Variants in COL4A4 observed in about 807,000 individuals in gnomAD.
The protein encoded by COL4A4 is collagen type IV alpha 4 chain, also known as collagen alpha-4(IV) chain.
COL4A4 carries 105 observed loss-of-function variants against 192.9 expected under a neutral mutation model. The observed-to-expected ratio is 0.54, with a 90% confidence interval of 0.46 to 0.64. The LOEUF (loss-of-function observed/expected upper bound fraction) is 0.64. COL4A4 is among the 30% of genes least tolerant of loss of function. The pLI is 0.00. For missense variants in COL4A4, 1,967 were observed against 2,169.3 expected (o/e 0.91, Z 1.85); for synonymous variants, 762 against 769.9 (o/e 0.99, Z 0.17).
chr2:227,050,191 C>T, intron 33 of COL4A4, 60 bp from the exon 34 acceptor site: 1 of 1,430,138 alleles, frequency 7.0e-7, no homozygotes, highest in Admixed American at 1.7e-5. Context: ...GGCACATGCA[C>T]AACACGATCC....
rs1188910940 is a variant in COL4A4 at position 227,078,205 on chromosome 2, G to A, written c.1804-128C>T. On this transcript the variant is annotated intron_variant, in intron 24 of 47. Transcript: ENST00000396625. The stretch of plus-strand genomic sequence containing the variant: ...AGGAGACAGTTACTCTTAAGCAAAT[G>A]TAAGTTTAAAATAAATAACTTAGAT... 1.3e-5 allele frequency: 10 copies of A among 792,116 alleles called. No individual in the cohort carries two copies. In the Admixed American group the frequency reaches 1.9e-4, roughly 15 times the overall value. 49.1% of individuals were successfully genotyped at this position (792,116 alleles called of 1,614,324 possible). A position where few individuals can be genotyped will look rare whatever the true frequency, so the allele number is the denominator to read the frequency against.
intron 25 of COL4A4, among the ~76,000 whole-genome samples, chr2:227,071,195 G>A (rs2058701575): frequency 6.6e-6 from 1 of 152,046 alleles, no homozygotes. Context: ...TCAAGATAAA[G>A]GGGTAGGAAA....
chr2:227,007,416 A>T lies in COL4A4; in HGVS notation c.4982T>A (p.Phe1661Tyr), dbSNP rs374119389. The T allele has an allele frequency of 2.5e-4, 396 of 1,614,074 alleles. No homozygotes were observed. Among genetic ancestry groups the T allele is most frequent in the Non-Finnish European group, 3.1e-4 (370 of 1,180,048 alleles). Residue 1661 changes from phenylalanine to tyrosine, a missense_variant, in exon 48 of 48, where the codon TTT (phenylalanine) becomes TAT (tyrosine). Physicochemically the swap from Phe to Tyr is conservative, Grantham distance 22. Transcript: ENST00000396625. ...GGTGTCTGGTGCTGGAGCAGAGGAA[A>T]ACTGCAAGTCTGCTTTCACCGTTGT... ...WLTTVKADLQ[F>Y]SSAPAPDTLK...
rs749299357 is a variant in COL4A4 at position 227,043,167 on chromosome 2, C to T, written c.3307G>A (p.Gly1103Arg). 30 of 1,613,970 alleles carry T rather than the reference C, an allele frequency of 1.9e-5. No individual in the cohort carries two copies. The highest frequency in any genetic ancestry group is 1.6e-4 in the East Asian group (7 of 44,884). ...PGCPGHFGAS[G>R]EQGLPGIQGP... ...TGAATACCAGGCAAGCCCTGCTCTC[C>T]GGATGCTCCAAAATGCCCTAAAGAA... Residue 1103 changes from glycine (G) to arginine (R), a missense_variant, in exon 36 of 48, where the codon GGA becomes AGA. Gly to Arg is a moderately radical substitution (Grantham distance 125, BLOSUM62 -2). Transcript: ENST00000396625.
At chr2:227,063,141 C>T (rs1280655539) in intron 25 of COL4A4, among the ~76,000 whole-genome samples, 1 of 152,100 alleles carries the variant, frequency 6.6e-6, no homozygotes, top group Non-Finnish European at 1.5e-5. Flanking sequence ...TATATTGTCT[C>T]ATTTTTCTAA....
At chr2:227,113,506 TAAGA>T (rs1188812075) in intron 8 of COL4A4, among the ~76,000 whole-genome samples, 2 of 152,180 alleles carry the variant, frequency 1.3e-5, no homozygotes, top group African/African-American at 4.8e-5. Context: ...TTAACAACAC[TAAGA>T]AAGGGGCAGG....
Position 227,060,156 on chromosome 2 carries a change from G to A in COL4A4, c.2144C>T (p.Ala715Val), listed in dbSNP as rs76636743. The A allele has an allele frequency of 2.8e-4, 424 of 1,492,242 alleles. No homozygotes were observed. The highest frequency in any genetic ancestry group is 4.3e-4 in the South Asian group (37 of 86,302). The allele number at this position is 1,492,242 out of a possible 1,614,324, so 92.4% of individuals were successfully genotyped here. The change falls in exon 27 of 48, where the codon GCG (alanine) becomes GTG (valine). Residue 715 changes from alanine (A) to valine (V), a missense_variant. By Grantham distance (64) the Ala-to-Val change is moderately conservative (BLOSUM62 0). Transcript: ENST00000396625. The stretch of plus-strand genomic sequence containing the variant: ...CTGACCAGGTGGACCTGGTATTTCC[G>A]CTGTTCCTGGTGTGCCAGGTCTGCC... ...HKGRPGTPGT[A>V]EIPGPPGFRG...
chr2:227,155,385 C>A (rs2064256091), intron 1 of COL4A4, among the ~76,000 whole-genome samples: 1 of 152,200 alleles, frequency 6.6e-6, no homozygotes, highest in Non-Finnish European at 1.5e-5. Context: ...ATAATAATGT[C>A]ACTTCTCGGA....
rs769717906 is a variant in COL4A4, at chr2:227,030,526, G to C, written c.3890C>G (p.Pro1297Arg). The change falls in exon 41 of 48, where the codon CCA becomes CGA. Residue 1297 changes from proline to arginine, a missense_variant. Physicochemically the swap from Pro to Arg is moderately radical, Grantham distance 103 (BLOSUM62 -2). Coordinates refer to ENST00000396625, the MANE Select transcript of COL4A4 (RefSeq NM_000092.5). ...TGGGCCAGGGGGACCTGGTGGCCCT[G>C]GTAGACCACAGTCACCTGGCTCCCC... ...LRGEPGDCGL[P>R]GPPGPPGPPG... The C allele has an allele frequency of 5.0e-6, 8 of 1,614,046 alleles. No individual in the cohort carries two copies. The East Asian group carries it at 1.8e-4, about 36-fold the overall frequency.
At chr2:227,103,929 T>C in intron 13 of COL4A4, 43 bp downstream of exon 13, 1 of 1,483,982 alleles carries the variant, frequency 6.7e-7, no homozygotes, top group Non-Finnish European at 9.4e-7. Flanking sequence ...AAAAATATTT[T>C]CTACTGCTAC....
At chr2:227,089,700 T>C (rs2059808407) in intron 21 of COL4A4, among the ~76,000 whole-genome samples, 168 bp downstream of exon 21, 1 of 150,406 alleles carries the variant, frequency 6.6e-6, no homozygotes, top group African/African-American at 2.4e-5. Flanking sequence ...ACACAAGGCT[T>C]TGACTTTTCA....
chr2:226,986,029 C>T, the COL4A4 span, among the ~76,000 whole-genome samples: 2 of 152,220 alleles, frequency 1.3e-5, no homozygotes, highest in Admixed American at 6.5e-5. Flanking sequence ...GTTGACAGCA[C>T]GTTGATATGT....
intron 28 of COL4A4, among the ~76,000 whole-genome samples, chr2:227,058,484 A>G (rs1976062531): frequency 6.6e-6 from 1 of 152,202 alleles, no homozygotes; most frequent in East Asian, 1.9e-4. Flanking sequence ...TTCTTTCAAT[A>G]TGAATCTTTT....
intron 1 of COL4A4, among the ~76,000 whole-genome samples, chr2:227,153,270 C>T (rs896688549): frequency 1.3e-5 from 2 of 152,158 alleles, no homozygotes; most frequent in African/African-American, 4.8e-5. Context: ...CAAACCATAT[C>T]ATAACAGCAA....
chr2:227,012,294 C>T lies in COL4A4; in HGVS notation c.4220G>A (p.Cys1407Tyr). 6.2e-7 allele frequency: 1 copy of T among 1,613,446 alleles called. No individual in the cohort carries two copies. Among genetic ancestry groups the T allele is most frequent in the Non-Finnish European group, 8.5e-7 (1 of 1,179,498 alleles). Residue 1407 changes from cysteine (C) to tyrosine (Y), a missense_variant, in exon 45 of 48, where the codon TGC becomes TAC. Transcript: ENST00000396625. ...GCCATCCAGCCCAGGCTCTCCTTTGCACCCTGCACAAAAGTTTATGATGCT... is the reference window on the plus strand; with the variant it reads ...GCCATCCAGCCCAGGCTCTCCTTTGTACCCTGCACAAAAGTTTATGATGCT... ...PGMRGPSGPG[C>Y]KGEPGLDGRR...
At chr2:227,028,498 T>A (rs1180667264) in intron 41 of COL4A4, among the ~76,000 whole-genome samples, 1 of 152,152 alleles carries the variant, frequency 6.6e-6, no homozygotes, top group Non-Finnish European at 1.5e-5. Context: ...TTTCATTTTC[T>A]CAGGGAAGCC....
intron 5 of COL4A4, 71 bp from the exon 6 acceptor site, chr2:227,120,010 TAAC>T: frequency 1.7e-6 from 2 of 1,181,594 alleles, no homozygotes; most frequent in Non-Finnish European, 2.4e-6. Context: ...TTGAAAATAG[TAAC>T]AATTAATTAC....
intron 12 of COL4A4, among the ~76,000 whole-genome samples, chr2:227,107,764 T>C (rs2060937631): frequency 6.7e-6 from 1 of 149,914 alleles, no homozygotes; most frequent in African/African-American, 2.5e-5. Flanking sequence ...TTCTTTTTTT[T>C]TTTTTTTTTT....
chr2:227,073,768 C>A (rs2058853267), intron 25 of COL4A4, among the ~76,000 whole-genome samples: 1 of 151,908 alleles, frequency 6.6e-6, no homozygotes, highest in South Asian at 2.1e-4. Flanking sequence ...TGATCTTTAA[C>A]AAAGCATACA....
Sources: allele counts gnomAD v4.1 joint callset (sites outside exome capture counted in the v4.1 genomes callset), GRCh38; gene constraint gnomAD v4.1.1; transcripts MANE v1.5; gene names NCBI Gene and HGNC (gene_info 2026-07-23, HGNC 2026-07-21).